XRCC1: variants seen among roughly 807,000 people sequenced by gnomAD.
XRCC1 encodes X-ray repair cross complementing 1.
A neutral mutation model predicts 83.3 loss-of-function variants in XRCC1; 52 were observed. The ratio of observed to expected loss-of-function variants is 0.62; its 90% CI spans 0.50 to 0.79. XRCC1 has a LOEUF of 0.79. XRCC1 is among the 30% of genes least tolerant of loss of function. The pLI, the probability that XRCC1 is intolerant of heterozygous loss-of-function variation, is 0.00. For synonymous variants in XRCC1, 281 were observed against 312.6 expected, an observed-to-expected ratio of 0.90 and a Z score of 1.07; for missense variants, 793 against 823.5, an observed-to-expected ratio of 0.96 and a Z score of 0.45.
At chr19:43,571,093 T>C (rs562732833) in intron 2 of XRCC1, among the ~76,000 whole-genome samples, 3 of 148,314 alleles carry the variant, frequency 2.0e-5, no homozygotes, top group Non-Finnish European at 4.5e-5. Flanking sequence ...CTCGGAGCCC[T>C]CCGGTGGCTC....
chr19:43,575,398 G>C lies in XRCC1; in HGVS notation c.51+10C>G. ...CACGTCTTCCAACCTCCCCCATGCA[G>C]GTCCCTCACCGAGTCCTGGCTGCTG... On this transcript the variant is annotated intron_variant, in intron 1 of 16. Coordinates refer to ENST00000262887, the MANE Select transcript of XRCC1 (RefSeq NM_006297.3). 1 of 1,599,022 alleles carries C rather than the reference G, an allele frequency of 6.3e-7. No individual in the cohort carries two copies. Among genetic ancestry groups the C allele is most frequent in the Non-Finnish European group, 8.5e-7 (1 of 1,169,658 alleles).
At chr19:43,555,754 T>C (rs1180696142) in intron 3 of XRCC1, among the ~76,000 whole-genome samples, 1 of 152,190 alleles carries the variant, frequency 6.6e-6, no homozygotes, top group Non-Finnish European at 1.5e-5. Flanking sequence ...TTACTGGTTC[T>C]TTCTATCAAA....
intron 3 of XRCC1, among the ~76,000 whole-genome samples, chr19:43,558,694 GAGAC>G (rs1292176970): frequency 1.3e-5 from 2 of 151,858 alleles, no homozygotes; most frequent in South Asian, 2.1e-4. Context: ...GTTAAAAAAA[GAGAC>G]AGTTTGGTAT....
At chr19:43,572,841 ATC>A (rs903904448) in intron 2 of XRCC1, among the ~76,000 whole-genome samples, 2 of 152,014 alleles carry the variant, frequency 1.3e-5, no homozygotes, top group African/African-American at 2.4e-5. Flanking sequence ...GGAGTCCCTA[ATC>A]TCAGTGGTTT....
rs188497443 is a variant in XRCC1 at position 43,562,691 on chromosome 19, G to A, written c.145-1671C>T. 5.9e-5 allele frequency among the ~76,000 whole-genome samples: 9 copies of A among 152,248 alleles called. No homozygotes were observed. The East Asian group carries it at 1.7e-3, about 29-fold the overall frequency. Reference sequence around the variant, plus strand: ...CCTGGGGAGGTCAAGGCTGCAGTGAGTCATGTTCGCATCACTGTACTCTGG... The same window carrying A: ...CCTGGGGAGGTCAAGGCTGCAGTGAATCATGTTCGCATCACTGTACTCTGG... On this transcript the variant is annotated intron_variant, in intron 2 of 16. Transcript: ENST00000262887.
intron 9 of XRCC1, 87 bp from the exon 10 acceptor site, chr19:43,551,774 GAGAGAC>G: frequency 8.7e-7 from 1 of 1,147,014 alleles, no homozygotes; most frequent in Non-Finnish European, 1.3e-6. Flanking sequence ...CAGAGAGAGA[GAGAGAC>G]AGACAGACAG....
At chr19:43,574,868 C>A in intron 2 of XRCC1, 42 bp downstream of exon 2, 1 of 1,541,594 alleles carries the variant, frequency 6.5e-7, no homozygotes, top group Non-Finnish European at 9.0e-7. Flanking sequence ...GAACCCCGGA[C>A]TCCAGACTCC....
At chr19:43,548,775 A>AAAAAAAAAAAAAC (rs1568512405) in intron 10 of XRCC1, among the ~76,000 whole-genome samples, 4 of 126,098 alleles carry the variant, frequency 3.2e-5, no homozygotes, top group African/African-American at 1.2e-4. Flanking sequence ...TCAAAAAAAA[A>AAAAAAAAAAAAAC]AAAAAAAAAA....
intron 15 of XRCC1, 21 bp downstream of exon 15, chr19:43,544,122 AC>A: frequency 6.5e-7 from 1 of 1,545,214 alleles, no homozygotes; most frequent in Non-Finnish European, 8.8e-7. Context: ...CCCCTTCCCC[AC>A]CCCAGTCCCT....
chr19:43,548,071 G>A (rs887904562), intron 10 of XRCC1, among the ~76,000 whole-genome samples: 1 of 57,280 alleles, frequency 1.7e-5, no homozygotes, highest in South Asian at 5.4e-4. Flanking sequence ...CCGTCGGGGG[G>A]GAGGTGGGGG....
At chr19:43,557,457 A>G (rs1972649667) in intron 3 of XRCC1, among the ~76,000 whole-genome samples, 1 of 152,152 alleles carries the variant, frequency 6.6e-6, no homozygotes. Context: ...GAACATAACT[A>G]TAGCTCTCTT....
chr19:43,543,442 T>G lies in XRCC1; in HGVS notation c.1852A>C (p.Lys618Gln). The G allele has an allele frequency of 6.2e-7, 1 of 1,613,216 alleles. No homozygotes were observed. The highest frequency in any genetic ancestry group is 8.5e-7 in the Non-Finnish European group (1 of 1,179,930). ...RPRWIYSCNE[K>Q]QKLLPHQLYG... ...AGCTGGTGAGGAAGTAACTTCTGCT[T>G]CTCATTGCAACTGTAGATCCATCGG... is the stretch of plus-strand genomic sequence containing the variant. The change falls in exon 17 of 17, where the codon AAG (lysine) becomes CAG (glutamine). Residue 618 changes from lysine to glutamine, a missense_variant. Physicochemically the swap from Lys to Gln is moderately conservative, Grantham distance 53. Transcript: ENST00000262887.
intron 2 of XRCC1, among the ~76,000 whole-genome samples, chr19:43,571,817 G>A (rs1018541429): frequency 1.3e-5 from 2 of 152,176 alleles, no homozygotes; most frequent in Admixed American, 1.3e-4. Context: ...CTTCTGCTGT[G>A]TACTGCTGTA....
At chr19:43,561,324 T>G (rs906938079) in intron 2 of XRCC1, among the ~76,000 whole-genome samples, 3 of 152,216 alleles carry the variant, frequency 2.0e-5, no homozygotes, top group Non-Finnish European at 4.4e-5. Context: ...CTCTCCTTGA[T>G]AAGCACTTGC....
rs1193916544 is a variant in XRCC1, at chr19:43,552,969, CTGA to C, written c.711+10_711+12del. 2 of 1,606,658 alleles carry C rather than the reference CTGA, an allele frequency of 1.2e-6. No individual in the cohort carries two copies. Among genetic ancestry groups the C allele is most frequent in the South Asian group, 1.1e-5 (1 of 89,808 alleles). The stretch of plus-strand genomic sequence containing the variant: ...CTCTCCTCCTCCACCCCACCAAAGT[CTGA>C]TGATTTCACCTTGGAGGTGCTGCCT... On this transcript the variant is annotated intron_variant, in intron 7 of 16. Coordinates refer to ENST00000262887, the MANE Select transcript of XRCC1 (RefSeq NM_006297.3).
At chr19:43,545,565 G>A (rs2146041678) in intron 14 of XRCC1, among the ~76,000 whole-genome samples, 1 of 152,318 alleles carries the variant, frequency 6.6e-6, no homozygotes, top group East Asian at 1.9e-4. Flanking sequence ...GTCACACCTG[G>A]CACATGGCTG....
Position 43,575,015 on chromosome 19 carries a change from G to A in XRCC1, c.52-13C>T. 1 of 1,606,540 alleles carries A rather than the reference G, an allele frequency of 6.2e-7. No individual in the cohort carries two copies. Among genetic ancestry groups the A allele is most frequent in the Non-Finnish European group, 8.5e-7 (1 of 1,173,126 alleles). On this transcript the variant is annotated splice_polypyrimidine_tract_variant and intron_variant, in intron 1 of 16. Transcript: ENST00000262887. ...CTGCACAGTGAGTCTGGAAACAACA[G>A]TGGGAGAGGAGAATTAGGGCACAGA... is the stretch of plus-strand genomic sequence containing the variant.
intron 10 of XRCC1, among the ~76,000 whole-genome samples, chr19:43,547,617 G>A (rs3213388): frequency 0.016 from 2,386 of 151,990 alleles, 54 homozygotes; most frequent in African/African-American, 0.055. Context: ...CAGTAACTGC[G>A]ATTACAGGCA....
At position 43,548,779 on chromosome 19, in the gene XRCC1, A is replaced by AAAAAAAAAAAAAAAC. The variant is rs1213062759; in HGVS notation, c.1200-1803_1200-1802insGTTTTTTTTTTTTTT. Among the ~76,000 whole-genome samples the AAAAAAAAAAAAAAAC allele has an allele frequency of 3.8e-4, 54 of 141,736 alleles. 1 individual carries two copies. Among genetic ancestry groups the AAAAAAAAAAAAAAAC allele is most frequent in the South Asian group, 7.1e-4 (3 of 4,208 alleles). The allele number at this position is 141,736 out of a possible 152,430, so 93.0% of individuals were successfully genotyped here. A position where few individuals can be genotyped will look rare whatever the true frequency, so the allele number is the denominator to read the frequency against. ...CCCAAGAATGATCAAAAAAAAAAAA[A>AAAAAAAAAAAAAAAC]AAAAAAACACAACAGTAGCAGGTTG... On this transcript the variant is annotated intron_variant, in intron 10 of 16. Transcript: ENST00000262887.
Sources: allele counts gnomAD v4.1 joint callset (sites outside exome capture counted in the v4.1 genomes callset), GRCh38; gene constraint gnomAD v4.1.1; transcripts MANE v1.5; gene names NCBI Gene and HGNC (gene_info 2026-07-23, HGNC 2026-07-21).